Variants in FAF1 observed in about 807,000 individuals in gnomAD.
FAF1 encodes the protein Fas associated factor 1, also known as FAS-associated factor 1.
FAF1 carries 25 observed loss-of-function variants against 92.5 expected under a neutral mutation model. That is an observed-to-expected ratio of 0.27 (90% CI 0.20 to 0.38). The LOEUF (loss-of-function observed/expected upper bound fraction) is 0.38. FAF1 is among the 10% of genes least tolerant of loss of function. FAF1 has a pLI of 1.00. For missense variants in FAF1, 636 were observed against 793.3 expected (o/e 0.80, Z 2.38); for synonymous variants, 234 against 273.2 (o/e 0.86, Z 1.42).
chr1:50,617,356 A>G lies in FAF1; in HGVS notation c.745-21140T>C, dbSNP rs72900917. Reference sequence around the variant, plus strand: ...CATCTGTTGAGGGTTTTTATCAAGAAGTGATGTTCAGATTTTATCAAAAGC... The same window carrying G: ...CATCTGTTGAGGGTTTTTATCAAGAGGTGATGTTCAGATTTTATCAAAAGC... On this transcript the variant is annotated intron_variant, in intron 8 of 18. Coordinates refer to ENST00000396153, the MANE Select transcript of FAF1 (RefSeq NM_007051.3). Among the ~76,000 whole-genome samples, 990 of 152,292 alleles carry G rather than the reference A, an allele frequency of 6.5e-3. 19 individuals are homozygous for G. Among genetic ancestry groups the G allele is most frequent in the African/African-American group, 0.023 (946 of 41,562 alleles).
intron 15 of FAF1, among the ~76,000 whole-genome samples, chr1:50,511,662 G>A (rs970149707): frequency 6.6e-6 from 1 of 152,130 alleles, no homozygotes; most frequent in African/African-American, 2.4e-5. Context: ...GGGCATTTGG[G>A]TTGGTTCCAA....
intron 8 of FAF1, among the ~76,000 whole-genome samples, chr1:50,648,591 T>C (rs1654702599): frequency 6.6e-6 from 1 of 152,158 alleles, no homozygotes; most frequent in South Asian, 2.1e-4. Flanking sequence ...TGAAAATAAG[T>C]AAGCAAGGCT....
intron 9 of FAF1, among the ~76,000 whole-genome samples, chr1:50,590,394 G>A (rs1248189560): frequency 6.6e-6 from 1 of 152,092 alleles, no homozygotes; most frequent in African/African-American, 2.4e-5. Context: ...GTATTATTCT[G>A]TTTGATGCTT....
chr1:50,942,352 T>C (rs1451963081), intron 1 of FAF1, among the ~76,000 whole-genome samples: 1 of 151,972 alleles, frequency 6.6e-6, no homozygotes, highest in African/African-American at 2.4e-5. Context: ...AGTGTATATA[T>C]ATGTACACAT....
intron 1 of FAF1, among the ~76,000 whole-genome samples, chr1:50,890,943 C>A (rs1300612645): frequency 6.6e-6 from 1 of 152,166 alleles, no homozygotes; most frequent in African/African-American, 2.4e-5. Flanking sequence ...TGGATAATAT[C>A]CTGCAGAGTG....
At chr1:50,920,808 AC>A (rs1644956348) in intron 1 of FAF1, among the ~76,000 whole-genome samples, 1 of 152,180 alleles carries the variant, frequency 6.6e-6, no homozygotes, top group Admixed American at 6.5e-5. Context: ...CTAACACCAT[AC>A]TTAATAGTGA....
chr1:50,567,002 T>A (rs963981484), intron 13 of FAF1, 75 bp downstream of exon 13: 10 of 1,167,988 alleles, frequency 8.6e-6, no homozygotes, highest in Non-Finnish European at 1.2e-5. Flanking sequence ...ATGAAAAATG[T>A]TTATGATGAT....
intron 1 of FAF1, among the ~76,000 whole-genome samples, chr1:50,925,881 G>A (rs1645001945): frequency 6.6e-6 from 1 of 152,130 alleles, no homozygotes; most frequent in South Asian, 2.1e-4. Flanking sequence ...AGAAAAATGT[G>A]GTTTATATAC....
At chr1:50,633,958 C>T (rs558958379) in intron 8 of FAF1, among the ~76,000 whole-genome samples, 7 of 152,214 alleles carry the variant, frequency 4.6e-5, no homozygotes, top group African/African-American at 7.2e-5. Flanking sequence ...AACAAACATA[C>T]AATAAAAGAA....
chr1:50,730,524 CTATTT>C (rs1238154532), intron 6 of FAF1, among the ~76,000 whole-genome samples: 2 of 152,040 alleles, frequency 1.3e-5, no homozygotes, highest in Non-Finnish European at 2.9e-5. Context: ...GGTTATTATT[CTATTT>C]TCTTAAGTTA....
At chr1:50,910,759 G>A (rs1467409367) in intron 1 of FAF1, among the ~76,000 whole-genome samples, 12 of 151,834 alleles carry the variant, frequency 7.9e-5, no homozygotes, top group Admixed American at 7.9e-4. Flanking sequence ...GGAGTGTCCC[G>A]ATTTTCCAGG....
chr1:50,545,686 C>T (rs1648978575), intron 13 of FAF1, among the ~76,000 whole-genome samples: 2 of 152,162 alleles, frequency 1.3e-5, no homozygotes, highest in Non-Finnish European at 2.9e-5. Flanking sequence ...GAAAAAGTCA[C>T]TACTATACAC....
chr1:50,856,837 T>C (rs1456157914), intron 2 of FAF1, among the ~76,000 whole-genome samples: 1 of 151,810 alleles, frequency 6.6e-6, no homozygotes, highest in Non-Finnish European at 1.5e-5. Flanking sequence ...TGGTTAATTA[T>C]GTTACAGTGA....
intron 1 of FAF1, among the ~76,000 whole-genome samples, chr1:50,955,708 T>A (rs1450938932): frequency 6.6e-6 from 1 of 152,238 alleles, no homozygotes; most frequent in African/African-American, 2.4e-5. Context: ...GCTGCATGAT[T>A]CACAGTACCT....
rs185661306 is a variant in FAF1, at chr1:50,638,505, C to T, written c.744+16937G>A. Among the ~76,000 whole-genome samples the T allele has an allele frequency of 5.5e-5, 8 of 145,250 alleles. No homozygotes were observed. The East Asian group carries it at 8.1e-4, about 15-fold the overall frequency. On this transcript the variant is annotated intron_variant, in intron 8 of 18. Transcript: ENST00000396153. ...TGTTGCTCAGGCTGGAGTGCAGTGGCGCAATCTCCGCTCACTGCAACTTCT... is the reference window on the plus strand; with the variant it reads ...TGTTGCTCAGGCTGGAGTGCAGTGGTGCAATCTCCGCTCACTGCAACTTCT...
rs143300836 is a variant in FAF1 at position 50,595,242 on chromosome 1, C to T, written c.840+879G>A. Among the ~76,000 whole-genome samples, 48 of 151,928 alleles carry T rather than the reference C, an allele frequency of 3.2e-4. 1 individual carries two copies. The highest frequency in any genetic ancestry group is 1.0e-3 in the African/African-American group (43 of 41,468). On this transcript the variant is annotated intron_variant, in intron 9 of 18. Transcript: ENST00000396153. Reference sequence around the variant, plus strand: ...ACTAATTTTGTATTTTTAGTAGAGACGGAGTTTCTCCATGTTGGTCAGGCT... The same window carrying T: ...ACTAATTTTGTATTTTTAGTAGAGATGGAGTTTCTCCATGTTGGTCAGGCT...
chr1:50,650,284 CAAAAAAAAA>C (rs1213490969), intron 8 of FAF1, among the ~76,000 whole-genome samples: 1 of 84,254 alleles, frequency 1.2e-5, no homozygotes, highest in Non-Finnish European at 2.3e-5. Flanking sequence ...AACTCTGTCT[CAAAAAAAAA>C]AAAAAAAAAA....
chr1:50,908,626 A>C (rs1297168671), intron 1 of FAF1, among the ~76,000 whole-genome samples: 2 of 151,940 alleles, frequency 1.3e-5, no homozygotes, highest in Non-Finnish European at 2.9e-5. Flanking sequence ...CCATTATGTA[A>C]TGGCCTTCTT....
At chr1:50,444,604 CCT>C (rs1646207168) in intron 18 of FAF1, among the ~76,000 whole-genome samples, 2 of 152,204 alleles carry the variant, frequency 1.3e-5, no homozygotes, top group South Asian at 4.1e-4. Context: ...CTTTCTCCCT[CCT>C]CTCTCTGTTC....
Sources: allele counts gnomAD v4.1 joint callset (sites outside exome capture counted in the v4.1 genomes callset), GRCh38; gene constraint gnomAD v4.1.1; transcripts MANE v1.5; gene names NCBI Gene and HGNC (gene_info 2026-07-23, HGNC 2026-07-21).